The following PDE1C variants were observed in gnomAD, a reference collection of about 807,000 sequenced individuals.
PDE1C encodes phosphodiesterase 1C, also known as dual specificity calcium/calmodulin-dependent 3',5'-cyclic nucleotide phosphodiesterase 1C.
In PDE1C, 62 loss-of-function variants were observed where a neutral mutation model predicts 93.1. That is an observed-to-expected ratio of 0.67 (90% CI 0.54 to 0.82). The LOEUF (loss-of-function observed/expected upper bound fraction) is 0.82, where lower values mean the gene tolerates loss of function less well. PDE1C is among the 40% of genes least tolerant of loss of function. PDE1C has a pLI of 0.00. For missense variants in PDE1C, 742 were observed against 884.6 expected (o/e 0.84, Z 2.04); for synonymous variants, 325 against 310.1 (o/e 1.05, Z -0.50).
At chr7:32,360,850 A>C (rs1403190893) in intron 1 of PDE1C, among the ~76,000 whole-genome samples, 1 of 152,196 alleles carries the variant, frequency 6.6e-6, no homozygotes, top group Non-Finnish European at 1.5e-5. Context: ...ATATGAAGAC[A>C]AAGGCAATAG....
intron 1 of PDE1C, among the ~76,000 whole-genome samples, chr7:32,222,331 G>A (rs1353438142): frequency 6.6e-6 from 1 of 152,192 alleles, no homozygotes; most frequent in Non-Finnish European, 1.5e-5. Context: ...AAGGAACTTA[G>A]ATGTTCACTA....
the PDE1C span, among the ~76,000 whole-genome samples, chr7:31,739,489 AC>A: frequency 1.3e-5 from 2 of 152,180 alleles, no homozygotes; most frequent in Non-Finnish European, 2.9e-5. Flanking sequence ...TGTGTCGGGC[AC>A]TATGTTATGA....
rs1313058556 is a variant in PDE1C, at chr7:32,420,122, TATACAC to T, written c.310+7694_310+7699del. On this transcript the variant is annotated intron_variant, in intron 1 of 1. Coordinates refer to the PDE1C transcript ENST00000672256. ...ATATATATATATATATATATATATATATACACACACACACACACACACACACACACA... is the reference window on the plus strand; with the variant it reads ...ATATATATATATATATATATATATATACACACACACACACACACACACACA... Among the ~76,000 whole-genome samples the T allele has an allele frequency of 1.5e-3, 29 of 19,562 alleles. 4 individuals are homozygous for T. The highest frequency in any genetic ancestry group is 4.0e-3 in the Admixed American group (4 of 1,012). The allele number at this position is 19,562 out of a possible 152,430, so 12.8% of individuals were successfully genotyped here. A position where few individuals can be genotyped will look rare whatever the true frequency, so the allele number is the denominator to read the frequency against.
At chr7:32,037,322 G>A (rs992001733) in intron 2 of PDE1C, among the ~76,000 whole-genome samples, 2 of 152,078 alleles carry the variant, frequency 1.3e-5, no homozygotes, top group Non-Finnish European at 2.9e-5. Context: ...GCCCTTAGGG[G>A]AGTGATAATC....
chr7:32,137,270 T>C (rs947901782), intron 3 of PDE1C, among the ~76,000 whole-genome samples: 2 of 152,150 alleles, frequency 1.3e-5, no homozygotes, highest in African/African-American at 4.8e-5. Flanking sequence ...TAGACCAAGA[T>C]ACACCCCAGC....
intron 4 of PDE1C, 47 bp from the exon 5 acceptor site, chr7:31,878,083 G>A (rs548209109): frequency 1.5e-6 from 2 of 1,357,698 alleles, no homozygotes; most frequent in Non-Finnish European, 2.1e-6. Flanking sequence ...TTATAAAGTA[G>A]GATTTGTAAT....
intron 2 of PDE1C, among the ~76,000 whole-genome samples, chr7:32,176,081 G>T (rs1250897887): frequency 6.6e-6 from 1 of 152,110 alleles, no homozygotes; most frequent in African/African-American, 2.4e-5. Context: ...TGTTCACTTT[G>T]TACTTGTATG....
intron 7 of PDE1C, among the ~76,000 whole-genome samples, chr7:31,861,995 C>T (rs1001181766): frequency 6.6e-6 from 1 of 152,180 alleles, no homozygotes; most frequent in African/African-American, 2.4e-5. Context: ...TCCCACTAGG[C>T]TTGCCTTACT....
At chr7:31,743,550 G>A in the PDE1C span, among the ~76,000 whole-genome samples, 1 of 150,920 alleles carries the variant, frequency 6.6e-6, no homozygotes, top group African/African-American at 2.4e-5. Flanking sequence ...GTTCGCTGGA[G>A]GATGCAGTGT....
intron 2 of PDE1C, among the ~76,000 whole-genome samples, chr7:31,884,385 A>C (rs2128885204): frequency 6.6e-6 from 1 of 152,334 alleles, no homozygotes; most frequent in African/African-American, 2.4e-5. Flanking sequence ...TCTGAAACAA[A>C]GGTAAAAGCC....
chr7:32,196,578 T>G (rs1468361468), intron 2 of PDE1C, among the ~76,000 whole-genome samples: 2 of 152,028 alleles, frequency 1.3e-5, no homozygotes, highest in African/African-American at 4.8e-5. Flanking sequence ...TATCCAGGGG[T>G]TTTAGTTGTA....
chr7:32,229,211 G>A (rs1024920797), intron 1 of PDE1C, among the ~76,000 whole-genome samples: 1 of 152,196 alleles, frequency 6.6e-6, no homozygotes, highest in Non-Finnish European at 1.5e-5. Flanking sequence ...CCACGACCCT[G>A]TGAGGTAGGC....
rs1387221094 is a variant in PDE1C, at chr7:32,390,542, A to G, written c.310+37280T>C. Among the ~76,000 whole-genome samples, 6 of 88,486 alleles carry G rather than the reference A, an allele frequency of 6.8e-5. No individual in the cohort carries two copies. In the East Asian group the frequency reaches 1.1e-3, roughly 17 times the overall value. The allele number at this position is 88,486 out of a possible 152,430, so 58.1% of individuals were successfully genotyped here. ...GAATCCTGCTCTAGAGTGATCATTGAAAAAAAAAAAAAAAAAAAACTTGGC... is the reference window on the plus strand; with the variant it reads ...GAATCCTGCTCTAGAGTGATCATTGGAAAAAAAAAAAAAAAAAAACTTGGC... On this transcript the variant is annotated intron_variant, in intron 1 of 1. Coordinates refer to the PDE1C transcript ENST00000672256.
chr7:32,176,657 T>A (rs1403292178), intron 2 of PDE1C, among the ~76,000 whole-genome samples: 1 of 151,146 alleles, frequency 6.6e-6, no homozygotes, highest in East Asian at 2.0e-4. Context: ...GTATCCCTAC[T>A]GTATATCATT....
At position 31,951,479 on chromosome 7, in the gene PDE1C, A is replaced by G. The variant is rs561592494; in HGVS notation, c.129-70619T>C. On this transcript the variant is annotated intron_variant, in intron 2 of 17. Transcript: ENST00000396191. ...TTCAAACTATCTACAGTTTGCTGTC[A>G]GCAGTTCTTGGTAGCTAAGTAGGTC... Among the ~76,000 whole-genome samples the G allele has an allele frequency of 2.0e-5, 3 of 152,292 alleles. No homozygotes were observed. The East Asian group carries it at 5.8e-4, about 30-fold the overall frequency.
At position 31,864,932 on chromosome 7, in the gene PDE1C, C is replaced by G. The variant is rs749483380; in HGVS notation, c.750+10G>C. 6.2e-7 allele frequency: 1 copy of G among 1,612,278 alleles called. No homozygotes were observed. ...TTTTGGGGAACCTAAGAGTTCCTATCCCTACTTACCGCCACTCCTGTCTTA... is the reference window on the plus strand; with the variant it reads ...TTTTGGGGAACCTAAGAGTTCCTATGCCTACTTACCGCCACTCCTGTCTTA... On this transcript the variant is annotated intron_variant, in intron 7 of 17. Coordinates refer to ENST00000396191, the MANE Select transcript of PDE1C (RefSeq NM_001191057.4).
chr7:31,631,421 G>A, the PDE1C span, among the ~76,000 whole-genome samples: 2 of 152,120 alleles, frequency 1.3e-5, no homozygotes, highest in East Asian at 1.9e-4. Context: ...CAAACAAAAT[G>A]CCCTAAATAC....
At chr7:32,200,125 G>C (rs1007971023) in intron 2 of PDE1C, among the ~76,000 whole-genome samples, 11 of 152,090 alleles carry the variant, frequency 7.2e-5, no homozygotes, top group African/African-American at 2.7e-4. Context: ...AAGGACACTC[G>C]ACCTGCATCT....
At chr7:31,975,317 T>C (rs17160736) in intron 2 of PDE1C, among the ~76,000 whole-genome samples, 29,788 of 152,126 alleles carry the variant, frequency 0.2, 3,081 homozygotes, top group African/African-American at 0.23. Context: ...CCAGAGTACT[T>C]AGTCATTCAA....
Sources: allele counts gnomAD v4.1 joint callset (sites outside exome capture counted in the v4.1 genomes callset), GRCh38; gene constraint gnomAD v4.1.1; transcripts MANE v1.5; gene names NCBI Gene and HGNC (gene_info 2026-07-23, HGNC 2026-07-21).